Variants in GRID1 observed in about 807,000 individuals in gnomAD.
GRID1 encodes the protein glutamate ionotropic receptor delta type subunit 1, also known as glutamate receptor ionotropic, delta-1.
A neutral mutation model predicts 98.0 loss-of-function variants in GRID1; 28 were observed. That is an observed-to-expected ratio of 0.29 (90% CI 0.21 to 0.39). GRID1 has a LOEUF of 0.39. Ranked by LOEUF, GRID1 falls within the 10% of genes least tolerant of loss-of-function variation. The pLI is 1.00. For synonymous variants in GRID1, 553 were observed against 538.5 expected (o/e 1.03, Z -0.37); for missense variants, 1,111 against 1,340.5 (o/e 0.83, Z 2.67).
rs753053729 is a variant in GRID1 at position 85,619,935 on chromosome 10, G to A, written c.2292C>T (p.Ser764=). 6 of 1,614,148 alleles carry A rather than the reference G, an allele frequency of 3.7e-6. No homozygotes were observed. The highest frequency in any genetic ancestry group is 5.1e-6 in the Non-Finnish European group (6 of 1,179,964). Residue 764 remains serine (S), a synonymous_variant, in exon 14 of 16, where the codon AGC becomes AGT. Transcript: ENST00000327946. ...DDCSVTVIGN[S]ISSKGYGIAL... ...CAATCCCGTAACCCTTGCTGCTGATGCTGTTGCCGATGACAGTCACCGAGC... is the reference window on the plus strand; with the variant it reads ...CAATCCCGTAACCCTTGCTGCTGATACTGTTGCCGATGACAGTCACCGAGC...
chr10:85,916,263 A>C lies in GRID1; in HGVS notation c.727-24T>G. ...GCCTGCAGAGAGAAAAAGAACGAACATGAACAGAAGCAAGACAGAAGCTGG... is the reference window on the plus strand; with the variant it reads ...GCCTGCAGAGAGAAAAAGAACGAACCTGAACAGAAGCAAGACAGAAGCTGG... On this transcript the variant is annotated intron_variant, in intron 4 of 15. Transcript: ENST00000327946. The surrounding 1 kb of genome is among the most constrained non-coding windows in gnomAD (Gnocchi z 4.0). 1 of 1,589,098 alleles carries C rather than the reference A, an allele frequency of 6.3e-7. No homozygotes were observed. The highest frequency in any genetic ancestry group is 8.6e-7 in the Non-Finnish European group (1 of 1,157,286).
At chr10:85,982,193 C>CA (rs5786730) in intron 4 of GRID1, among the ~76,000 whole-genome samples, 50,974 of 129,708 alleles carry the variant, frequency 0.39, 8,946 homozygotes, top group South Asian at 0.51. Flanking sequence ...GCTCTTGCCA[C>CA]AAAAAAAAAA....
At chr10:86,316,156 C>G (rs972605663) in intron 2 of GRID1, among the ~76,000 whole-genome samples, 1 of 152,216 alleles carries the variant, frequency 6.6e-6, no homozygotes, top group Non-Finnish European at 1.5e-5. Flanking sequence ...CACTGGGGAC[C>G]TCCACTCGAC....
rs900587001 is a variant in GRID1, at chr10:85,980,648, G to T, written c.727-64409C>A. On this transcript the variant is annotated intron_variant, in intron 4 of 15. Transcript: ENST00000327946. ...CACTCGTGTTCCCATATGAGGCCCT[G>T]GGGTGAAGGGTTGGTAAGAGAGTAA... 2.0e-5 allele frequency among the ~76,000 whole-genome samples: 3 copies of T among 152,294 alleles called. No homozygotes were observed. In the East Asian group the frequency reaches 5.8e-4, roughly 29 times the overall value.
chr10:86,333,401 T>C (rs1336306171), intron 2 of GRID1, among the ~76,000 whole-genome samples: 2 of 152,244 alleles, frequency 1.3e-5, no homozygotes, highest in African/African-American at 4.8e-5. Context: ...ATATCTATAC[T>C]TTCCCCACTA....
intron 8 of GRID1, among the ~76,000 whole-genome samples, chr10:85,842,312 A>T (rs1479565962): frequency 6.6e-6 from 1 of 152,006 alleles, no homozygotes; most frequent in Non-Finnish European, 1.5e-5. Context: ...ACTGAGGCCT[A>T]TTGGAGAGCA....
chr10:85,816,057 C>T (rs1020708911), intron 8 of GRID1, among the ~76,000 whole-genome samples: 2 of 151,974 alleles, frequency 1.3e-5, no homozygotes, highest in Non-Finnish European at 2.9e-5. Context: ...GCAAAAAGAA[C>T]ATGAATTCAT....
chr10:86,272,420 C>G (rs1168383635), intron 2 of GRID1, among the ~76,000 whole-genome samples: 1 of 152,170 alleles, frequency 6.6e-6, no homozygotes, highest in East Asian at 1.9e-4. Context: ...ATCCCTCCCC[C>G]AGCATGATGT....
chr10:86,177,261 C>T (rs1004178729), intron 3 of GRID1, among the ~76,000 whole-genome samples: 1 of 152,182 alleles, frequency 6.6e-6, no homozygotes, highest in Non-Finnish European at 1.5e-5. Flanking sequence ...AGACCAATTA[C>T]AGTGCATTGT....
chr10:85,863,591 G>A (rs1186514496), intron 6 of GRID1, among the ~76,000 whole-genome samples: 2 of 152,210 alleles, frequency 1.3e-5, no homozygotes, highest in East Asian at 3.9e-4. Flanking sequence ...GAGTCCCTGG[G>A]AGCAGGATCA....
chr10:85,774,427 T>C (rs1266875534), intron 8 of GRID1, among the ~76,000 whole-genome samples: 4 of 152,198 alleles, frequency 2.6e-5, no homozygotes, highest in Non-Finnish European at 4.4e-5. Flanking sequence ...AAGAACTTCA[T>C]GTCTAAAACA....
intron 12 of GRID1, among the ~76,000 whole-genome samples, chr10:85,667,817 G>A (rs1185979630): frequency 6.6e-6 from 1 of 152,160 alleles, no homozygotes; most frequent in Non-Finnish European, 1.5e-5. Flanking sequence ...CTGATAACTG[G>A]TCTAGTAGTA....
At chr10:85,891,976 T>C (rs542766890) in intron 5 of GRID1, among the ~76,000 whole-genome samples, 1 of 151,958 alleles carries the variant, frequency 6.6e-6, no homozygotes, top group African/African-American at 2.4e-5. Context: ...GACATTAAAA[T>C]AGATATTATA....
At chr10:86,177,367 GGAGAGAGAGA>G (rs148582946) in intron 3 of GRID1, among the ~76,000 whole-genome samples, 1 of 151,366 alleles carries the variant, frequency 6.6e-6, no homozygotes, top group African/African-American at 2.4e-5. Flanking sequence ...GCTTCAGGCA[GGAGAGAGAGA>G]GAGAGAGACA....
chr10:85,740,401 G>A (rs1370801920), intron 8 of GRID1, among the ~76,000 whole-genome samples: 4 of 152,112 alleles, frequency 2.6e-5, no homozygotes, highest in Non-Finnish European at 4.4e-5. Context: ...TAATTGACCC[G>A]AATTAATGAC....
chr10:85,767,320 C>A (rs893490924), intron 8 of GRID1, among the ~76,000 whole-genome samples: 11 of 152,182 alleles, frequency 7.2e-5, no homozygotes. Flanking sequence ...CTATCCCCAA[C>A]TTTATTAATT....
intron 4 of GRID1, among the ~76,000 whole-genome samples, chr10:86,068,394 T>G (rs968430181): frequency 3.3e-5 from 5 of 152,172 alleles, no homozygotes; most frequent in African/African-American, 9.7e-5. Context: ...GAGAGAAAAC[T>G]TCCCCCCACT....
At position 86,270,776 on chromosome 10, in the gene GRID1, T is replaced by G. The variant is rs569109656; in HGVS notation, c.236-64128A>C. On this transcript the variant is annotated intron_variant, in intron 2 of 15. Coordinates refer to ENST00000327946, the MANE Select transcript of GRID1 (RefSeq NM_017551.3). ...AGGAATCTAGTTTGCCAATCAGAAT[T>G]TATTCATGGAATAACCAAATAAAAA... 1.3e-4 allele frequency among the ~76,000 whole-genome samples: 20 copies of G among 152,200 alleles called. No homozygotes were observed. The East Asian group carries it at 3.9e-3, about 29-fold the overall frequency.
chr10:85,817,287 G>A (rs2131747957), intron 8 of GRID1, among the ~76,000 whole-genome samples: 1 of 152,198 alleles, frequency 6.6e-6, no homozygotes, highest in African/African-American at 2.4e-5. Context: ...CAGCACTTTG[G>A]GAGGCCAAAG....
Sources: gnomAD v4.1 joint callset for allele counts (sites outside exome capture counted in the v4.1 genomes callset) on GRCh38, gnomAD v4.1.1 for gene constraint, Gnocchi (gnomAD v3.1) non-coding constraint, MANE v1.5 for transcripts, NCBI Gene and HGNC (gene_info 2026-07-23, HGNC 2026-07-21) for gene names.